CAMK1D: variants seen among roughly 807,000 people sequenced by gnomAD.
CAMK1D encodes the protein calcium/calmodulin dependent protein kinase ID, also known as calcium/calmodulin-dependent protein kinase type 1D.
A neutral mutation model predicts 47.7 loss-of-function variants in CAMK1D; 9 were observed. That is an observed-to-expected ratio of 0.19 (90% confidence interval 0.11 to 0.33). CAMK1D has a LOEUF of 0.33. Ranked by LOEUF, CAMK1D falls within the 10% of genes least tolerant of loss-of-function variation. The pLI is 1.00. For synonymous variants in CAMK1D, 184 were observed against 184.9 expected (o/e 0.99, Z 0.04); for missense variants, 291 against 488.7 (o/e 0.60, Z 3.81).
At chr10:12,633,243 G>A (rs1839429354) in intron 2 of CAMK1D, among the ~76,000 whole-genome samples, 1 of 152,148 alleles carries the variant, frequency 6.6e-6, no homozygotes, top group Non-Finnish European at 1.5e-5. Context: ...CCAGAGAGGA[G>A]CAAAAAATAG....
intron 1 of CAMK1D, among the ~76,000 whole-genome samples, chr10:12,505,001 G>T (rs1588564144): frequency 6.7e-6 from 1 of 148,978 alleles, no homozygotes; most frequent in South Asian, 2.1e-4. Context: ...CGAAGCACAG[G>T]CTGCCACTGA....
intron 1 of CAMK1D, among the ~76,000 whole-genome samples, chr10:12,455,649 C>T (rs774050025): frequency 9.9e-5 from 15 of 152,158 alleles, no homozygotes; most frequent in Non-Finnish European, 1.3e-4. Context: ...AGGTTCCTTT[C>T]TGTAGTTGAT....
intron 1 of CAMK1D, among the ~76,000 whole-genome samples, chr10:12,382,755 G>A (rs61847395): frequency 0.028 from 4,300 of 152,198 alleles, 88 homozygotes; most frequent in Non-Finnish European, 0.038. Flanking sequence ...AACTCGGGAG[G>A]CGGAGGTTGC....
At chr10:12,401,168 T>A in intron 1 of CAMK1D, among the ~76,000 whole-genome samples, 1 of 59,388 alleles carries the variant, frequency 1.7e-5, no homozygotes, top group East Asian at 4.7e-4. Flanking sequence ...ATATAATATA[T>A]GTATTATATA....
chr10:12,449,257 G>C (rs1448250942), intron 1 of CAMK1D, among the ~76,000 whole-genome samples: 1 of 152,040 alleles, frequency 6.6e-6, no homozygotes, highest in Non-Finnish European at 1.5e-5. Flanking sequence ...GGAGCACGTA[G>C]AACCTCCCCA....
chr10:12,814,994 G>A (rs1387670891), intron 7 of CAMK1D, among the ~76,000 whole-genome samples: 1 of 152,196 alleles, frequency 6.6e-6, no homozygotes, highest in Non-Finnish European at 1.5e-5. Flanking sequence ...ACTGTATGCT[G>A]AGCACAAGAT....
chr10:12,690,400 C>T (rs1832832136), intron 3 of CAMK1D, among the ~76,000 whole-genome samples: 1 of 152,088 alleles, frequency 6.6e-6, no homozygotes, highest in African/African-American at 2.4e-5. Context: ...GAAGCACAGC[C>T]TGTAGAAGGG....
chr10:12,655,218 G>A (rs1840086363), intron 2 of CAMK1D, among the ~76,000 whole-genome samples: 1 of 152,184 alleles, frequency 6.6e-6, no homozygotes, highest in Admixed American at 6.5e-5. Context: ...GAAGGCAAAG[G>A]GGGAGCAGGC....
intron 1 of CAMK1D, among the ~76,000 whole-genome samples, chr10:12,440,309 G>A (rs1022776039): frequency 2.7e-5 from 4 of 148,656 alleles, no homozygotes; most frequent in Admixed American, 6.7e-5. Context: ...TTTTGAGACG[G>A]AGTCTCCTTC....
intron 2 of CAMK1D, among the ~76,000 whole-genome samples, chr10:12,559,329 A>G (rs1836863342): frequency 6.6e-6 from 1 of 152,194 alleles, no homozygotes; most frequent in African/African-American, 2.4e-5. Flanking sequence ...GCTGATGCGC[A>G]GGCCCCATTC....
intron 2 of CAMK1D, among the ~76,000 whole-genome samples, chr10:12,635,735 C>T (rs1056244487): frequency 1.3e-5 from 2 of 152,026 alleles, no homozygotes; most frequent in Non-Finnish European, 2.9e-5. Context: ...ATCTGCAGTG[C>T]GAAAAGGGGG....
rs74117002 is a variant in CAMK1D, at chr10:12,567,396, G to A, written c.224+14040G>A. Among the ~76,000 whole-genome samples, 454 of 152,232 alleles carry A rather than the reference G, an allele frequency of 3.0e-3. 1 individual carries two copies. The highest frequency in any genetic ancestry group is 1.0e-2 in the African/African-American group (414 of 41,534). ...AGTCTGGGGGACACTGGGTCATCCC[G>A]AGGGATGGCATAGAGTGGGGAAGGC... On this transcript the variant is annotated intron_variant, in intron 2 of 10. Transcript: ENST00000619168.
chr10:12,368,216 A>AAAAT (rs1837905034), intron 1 of CAMK1D, among the ~76,000 whole-genome samples: 1 of 146,988 alleles, frequency 6.8e-6, no homozygotes. Flanking sequence ...AAAAAAAAAT[A>AAAAT]AAATAAAATG....
At chr10:12,395,065 ATTTTTT>A (rs5783265) in intron 1 of CAMK1D, among the ~76,000 whole-genome samples, 34 of 94,730 alleles carry the variant, frequency 3.6e-4, no homozygotes, top group Admixed American at 7.1e-4. Flanking sequence ...TAAAATTTTA[ATTTTTT>A]TTTTTTTTTT....
intron 1 of CAMK1D, among the ~76,000 whole-genome samples, chr10:12,514,493 A>G (rs1835131365): frequency 6.6e-6 from 1 of 152,250 alleles, no homozygotes; most frequent in Admixed American, 6.5e-5. Flanking sequence ...TTAATTAGCA[A>G]GATGACATGG....
At chr10:12,467,095 A>G (rs1833614347) in intron 1 of CAMK1D, among the ~76,000 whole-genome samples, 1 of 151,970 alleles carries the variant, frequency 6.6e-6, no homozygotes, top group Admixed American at 6.6e-5. Flanking sequence ...GAATGGGTAG[A>G]TGCTGCCATG....
intron 1 of CAMK1D, among the ~76,000 whole-genome samples, chr10:12,533,363 C>T (rs1229957166): frequency 6.6e-6 from 1 of 152,162 alleles, no homozygotes; most frequent in Non-Finnish European, 1.5e-5. Flanking sequence ...GGAAGTGGCT[C>T]ATAAGTCACT....
chr10:12,830,049 A>G lies in CAMK1D; in HGVS notation c.*1162A>G, dbSNP rs1833391882. The G allele has an allele frequency of 2.0e-5, 3 of 152,042 alleles. No individual in the cohort carries two copies. The highest frequency in any genetic ancestry group is 4.2e-4 in the South Asian group (2 of 4,802). 9.4% of individuals were successfully genotyped at this position (152,042 alleles called of 1,614,324 possible). The stretch of plus-strand genomic sequence containing the variant: ...GACTTGCTGTGAGTGAGATGCCCAC[A>G]CTGCAGAGATGCAGGACCCTCCCTT... On this transcript the variant is annotated 3_prime_UTR_variant, in exon 11 of 11. Transcript: ENST00000619168.
At chr10:12,522,213 T>A (rs1343459725) in intron 1 of CAMK1D, among the ~76,000 whole-genome samples, 2 of 133,866 alleles carry the variant, frequency 1.5e-5, no homozygotes, top group Non-Finnish European at 3.3e-5. Flanking sequence ...TTTTTTTTTT[T>A]TTTATTGATC....
Sources: gnomAD v4.1 joint callset for allele counts (sites outside exome capture counted in the v4.1 genomes callset) on GRCh38, gnomAD v4.1.1 for gene constraint, MANE v1.5 for transcripts, NCBI Gene and HGNC (gene_info 2026-07-23, HGNC 2026-07-21) for gene names.